Variants in SGCZ observed in about 807,000 individuals in gnomAD.
The protein encoded by SGCZ is sarcoglycan zeta.
In SGCZ, 40 loss-of-function variants were observed where a neutral mutation model predicts 41.3. That is an observed-to-expected ratio of 0.97 (90% confidence interval 0.75 to 1.26). SGCZ has a LOEUF of 1.26. Among genes scored for constraint, SGCZ ranks in the 50% most tolerant of loss-of-function variants. The pLI is 0.00. For missense variants in SGCZ, 552 were observed against 369.8 expected, an observed-to-expected ratio of 1.49 and a Z score of -4.04; for synonymous variants, 206 against 137.5, an observed-to-expected ratio of 1.50 and a Z score of -3.49.
intron 4 of SGCZ, among the ~76,000 whole-genome samples, chr8:14,223,880 T>C (rs1806286284): frequency 6.6e-6 from 1 of 152,236 alleles, no homozygotes; most frequent in Non-Finnish European, 1.5e-5. Context: ...CTAATAGTGA[T>C]AGCAGTTAAC....
intron 4 of SGCZ, among the ~76,000 whole-genome samples, chr8:14,208,642 G>T (rs1225334557): frequency 6.6e-6 from 1 of 151,884 alleles, no homozygotes; most frequent in Non-Finnish European, 1.5e-5. Flanking sequence ...TGTGAAGATG[G>T]TTATTACCAT....
intron 1 of SGCZ, among the ~76,000 whole-genome samples, chr8:14,917,487 C>A (rs920588792): frequency 6.6e-6 from 1 of 151,982 alleles, no homozygotes; most frequent in Non-Finnish European, 1.5e-5. Context: ...TTAAATTATT[C>A]CTAGTAATAT....
chr8:15,064,534 C>CAAA (rs199980199), intron 1 of SGCZ, among the ~76,000 whole-genome samples: 19 of 132,092 alleles, frequency 1.4e-4, no homozygotes, highest in African/African-American at 5.7e-4. Context: ...CCAGGCCTCT[C>CAAA]AAAAAAAAAA....
chr8:14,187,066 G>C (rs1468025119), intron 4 of SGCZ, among the ~76,000 whole-genome samples: 16 of 152,174 alleles, frequency 1.1e-4, no homozygotes, highest in Admixed American at 9.8e-4. Context: ...AAGTCAAAGA[G>C]AGCACTGTCA....
chr8:14,678,730 G>C (rs895236552), intron 1 of SGCZ, among the ~76,000 whole-genome samples: 1 of 152,118 alleles, frequency 6.6e-6, no homozygotes, highest in Non-Finnish European at 1.5e-5. Context: ...AGAAAAACCT[G>C]CACTTGAAAG....
chr8:14,132,833 G>T (rs1369509094), intron 5 of SGCZ, among the ~76,000 whole-genome samples: 2 of 152,120 alleles, frequency 1.3e-5, no homozygotes, highest in East Asian at 1.9e-4. Context: ...AATTGTGCTG[G>T]TTTTTGTTGT....
intron 1 of SGCZ, among the ~76,000 whole-genome samples, chr8:15,232,156 G>C (rs1801962341): frequency 6.6e-6 from 1 of 152,188 alleles, no homozygotes; most frequent in Non-Finnish European, 1.5e-5. Flanking sequence ...ACTTAAAGTT[G>C]TAAGCTCTGC....
intron 3 of SGCZ, among the ~76,000 whole-genome samples, chr8:14,323,266 ATCT>A (rs1240705492): frequency 1.3e-5 from 2 of 152,120 alleles, no homozygotes; most frequent in Non-Finnish European, 2.9e-5. Flanking sequence ...CCATTTGCTA[ATCT>A]TCTACATTGA....
At chr8:15,060,440 G>C (rs113481702) in intron 1 of SGCZ, among the ~76,000 whole-genome samples, 2 of 144,198 alleles carry the variant, frequency 1.4e-5, no homozygotes, top group Middle Eastern at 3.6e-3. Context: ...AACACCGCAC[G>C]TTCTCACTCA....
chr8:15,230,863 AC>A (rs1256508822), intron 1 of SGCZ, among the ~76,000 whole-genome samples: 2 of 152,026 alleles, frequency 1.3e-5, no homozygotes, highest in African/African-American at 2.4e-5. Flanking sequence ...TTATGACAAA[AC>A]CCTTTCAAAA....
intron 1 of SGCZ, among the ~76,000 whole-genome samples, chr8:14,730,721 C>T (rs1041376024): frequency 1.3e-5 from 2 of 151,720 alleles, no homozygotes; most frequent in African/African-American, 4.9e-5. Flanking sequence ...ACCAAGGCAC[C>T]TCCATTCCCT....
intron 7 of SGCZ, among the ~76,000 whole-genome samples, chr8:14,098,442 T>C (rs1250120932): frequency 3.9e-5 from 6 of 152,184 alleles, no homozygotes; most frequent in Non-Finnish European, 8.8e-5. Context: ...TGTGGCTCTC[T>C]TCTCCCCAGG....
intron 3 of SGCZ, among the ~76,000 whole-genome samples, chr8:14,248,166 T>C (rs1429444945): frequency 6.6e-6 from 1 of 152,200 alleles, no homozygotes; most frequent in Non-Finnish European, 1.5e-5. Context: ...TGGTAGATTT[T>C]TCAAACCAAG....
At chr8:14,887,159 G>A (rs568608314) in intron 1 of SGCZ, among the ~76,000 whole-genome samples, 2 of 152,146 alleles carry the variant, frequency 1.3e-5, no homozygotes, top group Non-Finnish European at 2.9e-5. Context: ...AAATATACAA[G>A]TCTGGATTCA....
chr8:14,175,500 G>T (rs1187126538), intron 4 of SGCZ, among the ~76,000 whole-genome samples: 5 of 152,214 alleles, frequency 3.3e-5, no homozygotes, highest in South Asian at 4.1e-4. Flanking sequence ...TAGAGGTTAT[G>T]CATTCTGAGG....
At chr8:14,875,583 C>G (rs1216756742) in intron 1 of SGCZ, among the ~76,000 whole-genome samples, 5 of 152,108 alleles carry the variant, frequency 3.3e-5, no homozygotes, top group Non-Finnish European at 7.4e-5. Flanking sequence ...CAATAAAATA[C>G]TAAGAAAAGC....
At chr8:14,924,855 C>CTTT (rs35271116) in intron 1 of SGCZ, among the ~76,000 whole-genome samples, 3 of 108,668 alleles carry the variant, frequency 2.8e-5, no homozygotes, top group African/African-American at 3.7e-5. Context: ...GAATTTAAGA[C>CTTT]TTTTTTTTTT....
intron 1 of SGCZ, among the ~76,000 whole-genome samples, chr8:15,094,263 T>A (rs910787510): frequency 2.8e-4 from 42 of 152,000 alleles, no homozygotes; most frequent in African/African-American, 8.7e-4. Context: ...GCCTCCTGAG[T>A]AACTGAGATT....
chr8:14,765,086 C>T (rs947684684), intron 1 of SGCZ, among the ~76,000 whole-genome samples: 2 of 152,200 alleles, frequency 1.3e-5, no homozygotes, highest in Non-Finnish European at 2.9e-5. Flanking sequence ...GAGTTCACTT[C>T]TGATACTGTG....
Sources: allele counts gnomAD v4.1 joint callset (sites outside exome capture counted in the v4.1 genomes callset), GRCh38; gene constraint gnomAD v4.1.1; transcripts MANE v1.5; gene names NCBI Gene and HGNC (gene_info 2026-07-23, HGNC 2026-07-21).